The following AKR1C2 variants were observed in gnomAD, a reference collection of about 807,000 sequenced individuals.
AKR1C2 encodes 3-alpha-HSD3.
A neutral mutation model predicts 39.8 loss-of-function variants in AKR1C2; 27 were observed. The ratio of observed to expected loss-of-function variants is 0.68; its 90% confidence interval spans 0.50 to 0.93. AKR1C2 has a LOEUF of 0.93. Among genes scored for constraint, AKR1C2 ranks in the 40% least tolerant of loss-of-function variants. AKR1C2 has a pLI of 0.00. For missense variants in AKR1C2, 263 were observed against 365.1 expected (o/e 0.72, Z 2.28); for synonymous variants, 114 against 137.9 (o/e 0.83, Z 1.22).
chr10:4,996,722 G>C (rs1213526280), intron 5 of AKR1C2, among the ~76,000 whole-genome samples: 2 of 151,844 alleles, frequency 1.3e-5, no homozygotes, highest in African/African-American at 4.8e-5. Context: ...ACAGTACATT[G>C]CTAATTGAAG....
intron 3 of AKR1C2, 125 bp downstream of exon 3, chr10:5,000,425 A>G: frequency 6.3e-7 from 1 of 1,587,510 alleles, no homozygotes; most frequent in South Asian, 1.1e-5. Flanking sequence ...AGTTATGTTT[A>G]GGGCTCTTCT....
At position 4,989,768 on chromosome 10, in the gene AKR1C2, C is replaced by G. The variant is rs61854354; in HGVS notation, c.*228G>C. 158 of 610,590 alleles carry G rather than the reference C, an allele frequency of 2.6e-4. No individual in the cohort carries two copies. In the African/African-American group the frequency reaches 2.6e-3, roughly 10 times the overall value. The allele number at this position is 610,590 out of a possible 1,614,324, so 37.8% of individuals were successfully genotyped here. ...GAGAAAACATAGAAGTTATGGAGAC[C>G]AAAGTAGGTGAAGAATCTTTAGGAG... On this transcript the variant is annotated 3_prime_UTR_variant, in exon 9 of 9. Transcript: ENST00000380753.
In AKR1C2 at chr10:4,998,653, C is replaced by T. The variant is rs1355474755; in HGVS notation, c.542G>A (p.Gly181Glu). The change falls in exon 5 of 9, where the codon GGG becomes GAG. Residue 181 changes from glycine (G) to glutamate (E), a missense_variant. Physicochemically the swap from Gly to Glu is moderately conservative, Grantham distance 98. Around this residue, in one of 3 missense-constraint regions of AKR1C2, gnomAD observed 247 missense variants for 267.9 expected, o/e 0.92. Coordinates refer to ENST00000380753, the MANE Select transcript of AKR1C2 (RefSeq NM_001393392.1). ...RLLEMILNKPGLKYKPVCNQV... is the reference protein window; with the variant it reads ...RLLEMILNKPELKYKPVCNQV... ...GTTGCAGACAGGCTTGTACTTGAGC[C>T]CTGGCTTGTTGAGGATCATCTCCAG... is the stretch of plus-strand genomic sequence containing the variant. 1.2e-6 allele frequency: 2 copies of T among 1,614,108 alleles called. No homozygotes were observed. Among genetic ancestry groups the T allele is most frequent in the African/African-American group, 1.3e-5 (1 of 75,032 alleles).
At chr10:4,991,642 C>A (rs1274812133) in intron 8 of AKR1C2, among the ~76,000 whole-genome samples, 189 bp downstream of exon 8, 1 of 145,572 alleles carries the variant, frequency 6.9e-6, no homozygotes, top group African/African-American at 2.6e-5. Context: ...CCCATGCTGA[C>A]CCCAGGCCAC....
chr10:4,995,721 A>T (rs2904807), intron 6 of AKR1C2, 35 bp downstream of exon 6: 6 of 1,443,054 alleles, frequency 4.2e-6, no homozygotes, highest in East Asian at 5.0e-5. Context: ...TTATCAAACC[A>T]GTGTTTTAGG....
At chr10:4,996,325 A>G (rs1441636534) in intron 5 of AKR1C2, among the ~76,000 whole-genome samples, 2 of 151,704 alleles carry the variant, frequency 1.3e-5, no homozygotes, top group African/African-American at 4.8e-5. Context: ...TATGCCATCT[A>G]TGATATATAT....
Position 5,001,650 on chromosome 10 carries a change from T to G in AKR1C2, c.116A>C (p.Lys39Thr). The G allele has an allele frequency of 6.2e-7, 1 of 1,613,980 alleles. No individual in the cohort carries two copies. The highest frequency in any genetic ancestry group is 1.3e-5 in the African/African-American group (1 of 75,048). Residue 39 changes from lysine to threonine, a missense_variant, in exon 2 of 9, where the codon AAA (lysine) becomes ACA (threonine). This residue lies in a region of AKR1C2 where 247 missense variants were observed against 267.9 expected (regional missense o/e 0.92). Transcript: ENST00000380753. ...VPKSKALEAV[K>T]LAIEAGFHHI... Reference sequence around the variant, plus strand: ...GTGGAACCCGGCTTCTATTGCCAATTTGACGGCCTCTAGAGCTTTACTTTT... The same window carrying G: ...GTGGAACCCGGCTTCTATTGCCAATGTGACGGCCTCTAGAGCTTTACTTTT...
intron 1 of AKR1C2, among the ~76,000 whole-genome samples, chr10:5,002,082 C>G (rs769677720): frequency 3.0e-4 from 46 of 152,312 alleles, no homozygotes; most frequent in Non-Finnish European, 4.7e-4. Context: ...CCTGTGATTC[C>G]TCTCCCACCA....
intron 2 of AKR1C2, 32 bp downstream of exon 2, chr10:5,001,482 A>G (rs1837270284): frequency 1.2e-6 from 2 of 1,601,508 alleles, no homozygotes; most frequent in Non-Finnish European, 1.7e-6. Flanking sequence ...CAATAAATAC[A>G]TGTGCACACA....
rs145355870 is a variant in AKR1C2 at position 5,000,597 on chromosome 10, A to G, written c.322T>C (p.Leu108=). ...ATAAGATAGAGGTCAACATAGTCCAATTGAAGATTTTTCAGTGACCTTTCC... is the reference window on the plus strand; with the variant it reads ...ATAAGATAGAGGTCAACATAGTCCAGTTGAAGATTTTTCAGTGACCTTTCC... ...ALERSLKNLQ[L]DYVDLYLIHF... is the part of the protein sequence containing the mutation. The change falls in exon 3 of 9, where the codon TTG becomes CTG. Residue 108 remains leucine (L), a synonymous_variant. Coordinates refer to ENST00000380753, the MANE Select transcript of AKR1C2 (RefSeq NM_001393392.1). The G allele has an allele frequency of 4.1e-3, 6,649 of 1,614,036 alleles. 29 individuals carry two copies. The highest frequency in any genetic ancestry group is 5.9e-3 in the Admixed American group (352 of 60,018).
chr10:4,994,003 T>A (rs1554772551), intron 7 of AKR1C2, among the ~76,000 whole-genome samples: 1 of 151,778 alleles, frequency 6.6e-6, no homozygotes, highest in Non-Finnish European at 1.5e-5. Flanking sequence ...TTATTGTCAT[T>A]TTTTATTCTC....
chr10:5,017,287 C>T (rs1482761029), intron 1 of AKR1C2, among the ~76,000 whole-genome samples: 1 of 152,192 alleles, frequency 6.6e-6, no homozygotes, highest in Admixed American at 6.5e-5. Flanking sequence ...TTATCTTCTG[C>T]TTCCCTTTTA....
rs188921072 is a variant in AKR1C2, at chr10:5,012,634, A to G, written c.-88+5266T>C. Among the ~76,000 whole-genome samples, 229 of 152,308 alleles carry G rather than the reference A, an allele frequency of 1.5e-3. 1 individual carries two copies. Among genetic ancestry groups the G allele is most frequent in the Non-Finnish European group, 2.5e-3 (173 of 68,024 alleles). On this transcript the variant is annotated intron_variant, in intron 1 of 6. Coordinates refer to the AKR1C2 transcript ENST00000604507. ...TTTTCCCCTAGACCCTCAAGAAAAA[A>G]TACAACCTTGTGGACACCCTGACTT...
Position 4,989,573 on chromosome 10 carries a change from C to A in AKR1C2, c.*423G>T, listed in dbSNP as rs563158621. 1,342 of 183,050 alleles carry A rather than the reference C, an allele frequency of 7.3e-3. 4 individuals carry two copies. Among genetic ancestry groups the A allele is most frequent in the Non-Finnish European group, 0.01 (940 of 89,982 alleles). The allele number at this position is 183,050 out of a possible 1,614,324, so 11.3% of individuals were successfully genotyped here. On this transcript the variant is annotated 3_prime_UTR_variant, in exon 9 of 9. Transcript: ENST00000380753. ...CTGCGTGTGCTTCTTCCTACAAGAG[C>A]TAGAGAGGCACTGACTGATAAATAC...
chr10:4,993,078 A>G (rs782801235), intron 7 of AKR1C2, among the ~76,000 whole-genome samples: 19 of 152,250 alleles, frequency 1.2e-4, no homozygotes, highest in Non-Finnish European at 2.8e-4. Flanking sequence ...ATTGTCAAAG[A>G]TTCAGTTCTC....
intron 1 of AKR1C2, among the ~76,000 whole-genome samples, chr10:5,013,773 A>C (rs1488135939): frequency 2.6e-5 from 4 of 152,216 alleles, no homozygotes; most frequent in Non-Finnish European, 5.9e-5. Context: ...TAAGTCCATC[A>C]ACCTTATTGA....
At position 4,998,748 on chromosome 10, in the gene AKR1C2, C is replaced by T; in HGVS notation, c.448-1G>A. 1 of 1,613,690 alleles carries T rather than the reference C, an allele frequency of 6.2e-7. No individual in the cohort carries two copies. Among genetic ancestry groups the T allele is most frequent in the Non-Finnish European group, 8.5e-7 (1 of 1,179,904 alleles). On this transcript the variant is annotated splice_acceptor_variant, in intron 4 of 8. Coordinates refer to ENST00000380753, the MANE Select transcript of AKR1C2 (RefSeq NM_001393392.1). LOFTEE classifies it high-confidence loss of function. ...CTGCATCTTTACACTTCTCCATGGC[C>T]TGGGAAAAAGGAATTGTGAGGTATC...
chr10:4,995,131 T>C lies in AKR1C2; in HGVS notation c.846+188A>G, dbSNP rs1238699245. Among the ~76,000 whole-genome samples, 5 of 110,904 alleles carry C rather than the reference T, an allele frequency of 4.5e-5. 1 individual carries two copies. Among genetic ancestry groups the C allele is most frequent in the African/African-American group, 1.9e-4 (5 of 26,424 alleles). The allele number at this position is 110,904 out of a possible 152,430, so 72.8% of individuals were successfully genotyped here. A position where few individuals can be genotyped will look rare whatever the true frequency, so the allele number is the denominator to read the frequency against. The stretch of plus-strand genomic sequence containing the variant: ...AATCTGTAGTTTTGATCCCATCCTA[T>C]TACTCTCCACCTCTGTTGCCTCTCC... On this transcript the variant is annotated intron_variant, in intron 7 of 8. Coordinates refer to ENST00000380753, the MANE Select transcript of AKR1C2 (RefSeq NM_001393392.1).
chr10:5,011,307 G>C (rs1397994938), intron 1 of AKR1C2, among the ~76,000 whole-genome samples: 1 of 152,204 alleles, frequency 6.6e-6, no homozygotes, highest in Non-Finnish European at 1.5e-5. Context: ...AGGCTGGGAG[G>C]CTGGGAAATT....
Sources: gnomAD v4.1 joint callset for allele counts (sites outside exome capture counted in the v4.1 genomes callset) on GRCh38, gnomAD v4.1.1 for gene constraint, gnomAD v4.1.1 regional missense constraint, MANE v1.5 for transcripts, NCBI Gene and HGNC (gene_info 2026-07-23, HGNC 2026-07-21) for gene names.